AKR1E2: variants seen among roughly 807,000 people sequenced by gnomAD.
AKR1E2 encodes the protein aldo-keto reductase family 1 member E2.
A neutral mutation model predicts 41.9 loss-of-function variants in AKR1E2; 43 were observed. The ratio of observed to expected loss-of-function variants is 1.03; its 90% CI spans 0.80 to 1.32. AKR1E2 has a LOEUF of 1.32. Among genes scored for constraint, AKR1E2 ranks in the 40% most tolerant of loss-of-function variants. The pLI is 0.00. For synonymous variants in AKR1E2, 121 were observed against 138.9 expected (o/e 0.87, Z 0.91); for missense variants, 423 against 396.5 (o/e 1.07, Z -0.57).
At chr10:4,854,400 T>C in the AKR1E2 span, among the ~76,000 whole-genome samples, 2 of 152,098 alleles carry the variant, frequency 1.3e-5, no homozygotes, top group Non-Finnish European at 2.9e-5. Flanking sequence ...CCTACTCCTT[T>C]ACTTTCTTAA....
intron 9 of AKR1E2, 75 bp from the exon 10 acceptor site, chr10:4,847,413 A>G (rs376645556): frequency 1.2e-4 from 184 of 1,563,534 alleles, no homozygotes; most frequent in Non-Finnish European, 1.5e-4. Context: ...TTAAAAGTAT[A>G]TACCATTTAA....
chr10:4,826,797 C>G (rs986287347), intron 1 of AKR1E2, among the ~76,000 whole-genome samples: 1 of 152,064 alleles, frequency 6.6e-6, no homozygotes, highest in Non-Finnish European at 1.5e-5. Context: ...AAAGTTGGGG[C>G]CGGGCGTGGG....
intron 8 of AKR1E2, among the ~76,000 whole-genome samples, chr10:4,843,358 CTT>C (rs1030990006): frequency 6.6e-6 from 1 of 152,184 alleles, no homozygotes; most frequent in African/African-American, 2.4e-5. Context: ...ACCTGATGCT[CTT>C]AGCTGCCAGT....
intron 6 of AKR1E2, among the ~76,000 whole-genome samples, chr10:4,840,900 G>A (rs2961591): frequency 0.2 from 31,134 of 152,036 alleles, 3,384 homozygotes; most frequent in Middle Eastern, 0.34. Context: ...CAGAGTGCAG[G>A]TATCTTATTT....
At chr10:4,826,960 C>T (rs1022336670) in intron 1 of AKR1E2, among the ~76,000 whole-genome samples, 34 of 151,364 alleles carry the variant, frequency 2.2e-4, no homozygotes, top group African/African-American at 8.0e-4. Context: ...CCTGTGGTCC[C>T]AGCTACTCAG....
downstream of AKR1E2, among the ~76,000 whole-genome samples, chr10:4,851,635 A>G (rs1045913527): frequency 6.6e-6 from 1 of 152,244 alleles, no homozygotes; most frequent in Non-Finnish European, 1.5e-5. Context: ...GTACTATTCT[A>G]TAAGTATGTT....
At chr10:4,834,291 G>C (rs942200688) in intron 3 of AKR1E2, among the ~76,000 whole-genome samples, 3 of 152,198 alleles carry the variant, frequency 2.0e-5, no homozygotes, top group African/African-American at 7.2e-5. Context: ...CTGTTTTAGA[G>C]TAAAATAACA....
Position 4,839,806 on chromosome 10 carries a change from C to G in AKR1E2, c.660C>G (p.Tyr220Ter), listed in dbSNP as rs1588464390. The change falls in exon 6 of 10, where the codon TAC (tyrosine) becomes TAG (stop). Residue 220 changes from tyrosine to a stop codon, truncating the protein, a stop_gained. Coordinates refer to ENST00000298375, the MANE Select transcript of AKR1E2 (RefSeq NM_001040177.3). LOFTEE classifies it high-confidence loss of function. ...CCAGAGATGTGTCCGTGACTGCTTA[C>G]CGTCCTCTTGGTGGCTCGTGGTAAG... is the stretch of plus-strand genomic sequence containing the variant. ...CQSRDVSVTA[Y>*]RPLGGSCEGV... 6.2e-7 allele frequency: 1 copy of G among 1,614,048 alleles called. No individual in the cohort carries two copies. The highest frequency in any genetic ancestry group is 8.5e-7 in the Non-Finnish European group (1 of 1,179,982).
intron 8 of AKR1E2, among the ~76,000 whole-genome samples, chr10:4,843,732 C>T (rs1026177704): frequency 3.9e-5 from 6 of 152,224 alleles, no homozygotes; most frequent in South Asian, 2.1e-4. Flanking sequence ...AGGCCACCCA[C>T]GATGGGAGGA....
chr10:4,835,122 G>T lies in AKR1E2; in HGVS notation c.325-553G>T, dbSNP rs554406417. 3.9e-5 allele frequency among the ~76,000 whole-genome samples: 6 copies of T among 152,360 alleles called. No homozygotes were observed. The East Asian group carries it at 1.2e-3, about 29-fold the overall frequency. ...TTCACCCTTAACATGCTACGTGGGA[G>T]TACATGAGGGAGGTAGCTGGATTGC... On this transcript the variant is annotated intron_variant, in intron 3 of 9. Transcript: ENST00000298375.
intron 1 of AKR1E2, among the ~76,000 whole-genome samples, chr10:4,827,323 G>A (rs971081121): frequency 7.0e-6 from 1 of 142,116 alleles, no homozygotes; most frequent in African/African-American, 2.5e-5. Flanking sequence ...GTGGTAAGAT[G>A]TTTGAAATGT....
chr10:4,872,006 G>T, the AKR1E2 span: 9 of 152,240 alleles, frequency 5.9e-5, no homozygotes, highest in African/African-American at 1.9e-4. Flanking sequence ...TGTTAAACTG[G>T]TGTGAGCCTA....
chr10:4,861,605 G>A, the AKR1E2 span, among the ~76,000 whole-genome samples: 1 of 152,060 alleles, frequency 6.6e-6, no homozygotes, highest in African/African-American at 2.4e-5. Flanking sequence ...CTGACCTCAA[G>A]TGATCCTCCC....
At chr10:4,857,474 C>T in the AKR1E2 span, among the ~76,000 whole-genome samples, 1 of 152,182 alleles carries the variant, frequency 6.6e-6, no homozygotes, top group Non-Finnish European at 1.5e-5. Context: ...TCCCATCTGC[C>T]ATGATTGTAA....
At chr10:4,836,845 C>T (rs1475644607) in intron 4 of AKR1E2, among the ~76,000 whole-genome samples, 1 of 152,202 alleles carries the variant, frequency 6.6e-6, no homozygotes, top group African/African-American at 2.4e-5. Flanking sequence ...CCATTGGTCA[C>T]TCAGGACTTG....
Position 4,847,666 on chromosome 10 carries a change from A to G in AKR1E2, c.*136A>G. The G allele has an allele frequency of 1.0e-6, 1 of 984,710 alleles. No homozygotes were observed. The highest frequency in any genetic ancestry group is 1.5e-6 in the Non-Finnish European group (1 of 646,716). The allele number at this position is 984,710 out of a possible 1,614,324, so 61.0% of individuals were successfully genotyped here. ...CCACACAGTCAGAGGGGGATGTAAG[A>G]GCCACCTTCTCTGACAAATCTGGAG... is the stretch of plus-strand genomic sequence containing the variant. On this transcript the variant is annotated 3_prime_UTR_variant, in exon 10 of 10. Transcript: ENST00000298375.
chr10:4,860,363 C>A, the AKR1E2 span, among the ~76,000 whole-genome samples: 1 of 152,206 alleles, frequency 6.6e-6, no homozygotes, highest in Non-Finnish European at 1.5e-5. Flanking sequence ...CATCCAACTG[C>A]TTCTTCGTTT....
chr10:4,835,942 A>G, intron 4 of AKR1E2, 133 bp downstream of exon 4: 1 of 1,256,464 alleles, frequency 8.0e-7, no homozygotes, highest in East Asian at 2.5e-5. Context: ...GGAGCAAAAA[A>G]GGAATCAATA....
intron 7 of AKR1E2, 25 bp from the exon 8 acceptor site, chr10:4,842,396 T>C (rs759418870): frequency 5.6e-6 from 9 of 1,605,608 alleles, no homozygotes; most frequent in South Asian, 1.1e-5. Flanking sequence ...CTTTGTGTGA[T>C]AGTAGACTTT....
Sources: gnomAD v4.1 joint callset for allele counts (sites outside exome capture counted in the v4.1 genomes callset) on GRCh38, gnomAD v4.1.1 for gene constraint, MANE v1.5 for transcripts, NCBI Gene and HGNC (gene_info 2026-07-23, HGNC 2026-07-21) for gene names.